SERPINE2: variants seen among roughly 807,000 people sequenced by gnomAD.
SERPINE2 encodes serpin family E member 2, also known as glia-derived nexin.
SERPINE2 carries 14 observed loss-of-function variants against 36.3 expected under a neutral mutation model. That is an observed-to-expected ratio of 0.39 (90% CI 0.25 to 0.60). SERPINE2 has a LOEUF of 0.60. Ranked by LOEUF, SERPINE2 falls within the 20% of genes least tolerant of loss-of-function variation. The pLI is 0.57. For missense variants in SERPINE2, 418 were observed against 499.6 expected (o/e 0.84, Z 1.56); for synonymous variants, 192 against 191.8 (o/e 1.00, Z -0.01).
In SERPINE2 at chr2:224,001,825, A is replaced by G. The variant is rs1559206863; in HGVS notation, c.76T>C (p.Ser26Pro). The G allele has an allele frequency of 2.5e-6, 4 of 1,614,006 alleles. No individual in the cohort carries two copies. The African/African-American group carries it at 5.3e-5, about 22-fold the overall frequency. Residue 26 changes from serine to proline, a missense_variant, in exon 2 of 9, where the codon TCT (serine) becomes CCT (proline). Coordinates refer to ENST00000409304, the MANE Select transcript of SERPINE2 (RefSeq NM_001136528.2). Reference protein sequence around the residue: ...PSICSHFNPLSLEELGSNTGI... With the variant: ...PSICSHFNPLPLEELGSNTGI... ...GTGTTGGAGCCTAGTTCCTCGAGAGACAGAGGATTGAAGTGGGAGCAGATG... is the reference window on the plus strand; with the variant it reads ...GTGTTGGAGCCTAGTTCCTCGAGAGGCAGAGGATTGAAGTGGGAGCAGATG...
intron 1 of SERPINE2, among the ~76,000 whole-genome samples, chr2:224,034,546 C>G (rs953428641): frequency 1.3e-5 from 2 of 152,128 alleles, no homozygotes; most frequent in African/African-American, 4.8e-5. Context: ...GCCTGGTGAG[C>G]CCATGGAGCA....
At chr2:224,011,192 A>C (rs1425224871) in intron 1 of SERPINE2, among the ~76,000 whole-genome samples, 2 of 152,240 alleles carry the variant, frequency 1.3e-5, no homozygotes, top group African/African-American at 4.8e-5. Flanking sequence ...GTAATGGTCC[A>C]AATGGCTGAT....
intron 1 of SERPINE2, among the ~76,000 whole-genome samples, chr2:224,034,935 T>C (rs1692486694): frequency 6.6e-6 from 1 of 152,206 alleles, no homozygotes; most frequent in South Asian, 2.1e-4. Context: ...CAACACTGTA[T>C]AAAGATAGCG....
chr2:223,975,765 C>A lies in SERPINE2; in HGVS notation c.*102G>T. The A allele has an allele frequency of 2.1e-6, 2 of 930,980 alleles. No individual in the cohort carries two copies. Among genetic ancestry groups the A allele is most frequent in the Non-Finnish European group, 3.2e-6 (2 of 621,452 alleles). 57.7% of individuals were successfully genotyped at this position (930,980 alleles called of 1,614,324 possible). A position where few individuals can be genotyped will look rare whatever the true frequency, so the allele number is the denominator to read the frequency against. ...CTAAGAACTAGTTTTGAAAAAGAAG[C>A]GATGTACAAAAATATTTAACAGAAC... On this transcript the variant is annotated 3_prime_UTR_variant, in exon 9 of 9. Transcript: ENST00000409304.
chr2:223,977,455 TG>T, intron 8 of SERPINE2, 88 bp downstream of exon 8: 1 of 829,252 alleles, frequency 1.2e-6, no homozygotes, highest in South Asian at 1.4e-5. Flanking sequence ...AAATGGACTA[TG>T]GGCACCACTG....
chr2:224,000,393 G>A (rs1333627188), intron 2 of SERPINE2, among the ~76,000 whole-genome samples: 1 of 152,154 alleles, frequency 6.6e-6, no homozygotes, highest in Non-Finnish European at 1.5e-5. Context: ...AGTGCCAGAG[G>A]ATGAAGCTCG....
intron 1 of SERPINE2, among the ~76,000 whole-genome samples, chr2:224,020,036 G>A (rs1239695188): frequency 6.6e-6 from 1 of 152,098 alleles, no homozygotes; most frequent in African/African-American, 2.4e-5. Flanking sequence ...AAGTGGTGGT[G>A]GTTAGTATTT....
chr2:224,004,475 G>A (rs2106168635), intron 1 of SERPINE2, among the ~76,000 whole-genome samples: 1 of 152,270 alleles, frequency 6.6e-6, no homozygotes, highest in Admixed American at 6.5e-5. Flanking sequence ...GCTCCCGCTT[G>A]GGCTCAACGG....
At chr2:224,030,093 A>C (rs1301873531) in intron 1 of SERPINE2, 1 of 985,314 alleles carries the variant, frequency 1.0e-6, no homozygotes, top group Non-Finnish European at 1.2e-6. Context: ...TCCCTGGAAG[A>C]CCTCTTGGTA....
At chr2:224,038,080 C>G (rs1692586775) in intron 1 of SERPINE2, among the ~76,000 whole-genome samples, 1 of 152,126 alleles carries the variant, frequency 6.6e-6, no homozygotes, top group African/African-American at 2.4e-5. Flanking sequence ...TACAAATTAG[C>G]AATGTTGACA....
intron 1 of SERPINE2, among the ~76,000 whole-genome samples, chr2:224,004,337 A>C (rs903310636): frequency 6.6e-6 from 1 of 152,192 alleles, no homozygotes; most frequent in East Asian, 1.9e-4. Context: ...CAAGTTTCTT[A>C]TATGTTGTGA....
In SERPINE2 at chr2:224,001,651, C is replaced by T. The variant is rs759587862; in HGVS notation, c.250G>A (p.Gly84Ser). 3.3e-5 allele frequency: 54 copies of T among 1,613,530 alleles called. No homozygotes were observed. Among genetic ancestry groups the T allele is most frequent in the Non-Finnish European group, 4.5e-5 (53 of 1,179,944 alleles). Residue 84 changes from glycine to serine, a missense_variant, in exon 2 of 9, where the codon GGC becomes AGC. Gly to Ser is a moderately conservative substitution (Grantham distance 56, BLOSUM62 0). Coordinates refer to ENST00000409304, the MANE Select transcript of SERPINE2 (RefSeq NM_001136528.2). ...AATTGTGCACACGCACCATTTACGC[C>T]GTATCTCATCACCATGGCGAGCTGC... ...KKQLAMVMRY[G>S]VNGVGKILKK...
At chr2:224,020,922 G>T (rs1691977652) in intron 1 of SERPINE2, among the ~76,000 whole-genome samples, 1 of 152,176 alleles carries the variant, frequency 6.6e-6, no homozygotes, top group Non-Finnish European at 1.5e-5. Context: ...ACTATGAATG[G>T]ATGGTCAAAG....
chr2:224,023,756 A>G (rs1371029), intron 1 of SERPINE2, among the ~76,000 whole-genome samples: 143,864 of 152,308 alleles, frequency 0.94, 68,306 homozygotes, highest in Non-Finnish European at 0.99. Flanking sequence ...CTAAAGGGCT[A>G]CTTTGAGATA....
intron 4 of SERPINE2, among the ~76,000 whole-genome samples, chr2:223,986,197 G>A (rs1690423054): frequency 6.6e-6 from 1 of 152,086 alleles, no homozygotes; most frequent in African/African-American, 2.4e-5. Context: ...AAATACTGAG[G>A]TTATTAGAAT....
chr2:224,020,756 T>C (rs1309732134), intron 1 of SERPINE2, among the ~76,000 whole-genome samples: 1 of 152,224 alleles, frequency 6.6e-6, no homozygotes, highest in African/African-American at 2.4e-5. Context: ...CTGCAGCTAA[T>C]TGAAAATACT....
intron 4 of SERPINE2, among the ~76,000 whole-genome samples, chr2:223,990,049 A>G (rs1389805705): frequency 6.6e-6 from 1 of 152,114 alleles, no homozygotes; most frequent in East Asian, 1.9e-4. Flanking sequence ...CAGAAGCTGA[A>G]ACCTTTGGTA....
intron 1 of SERPINE2, among the ~76,000 whole-genome samples, chr2:224,022,276 G>A (rs1428158567): frequency 6.0e-5 from 9 of 149,006 alleles, no homozygotes; most frequent in Non-Finnish European, 1.3e-4. Flanking sequence ...AGGTTGCAGT[G>A]AGCCCAGATC....
chr2:224,000,379 A>T (rs1691067646), intron 2 of SERPINE2, among the ~76,000 whole-genome samples: 1 of 152,216 alleles, frequency 6.6e-6, no homozygotes, highest in East Asian at 1.9e-4. Context: ...AGCTGAAGTA[A>T]AACAGTGCCA....
Sources: allele counts gnomAD v4.1 joint callset (sites outside exome capture counted in the v4.1 genomes callset), GRCh38; gene constraint gnomAD v4.1.1; transcripts MANE v1.5; gene names NCBI Gene and HGNC (gene_info 2026-07-23, HGNC 2026-07-21).